The following CRYBG1 variants were observed in gnomAD, a reference collection of about 807,000 sequenced individuals.
CRYBG1 encodes beta/gamma crystallin domain-containing protein 1.
Under a neutral mutation model 189.2 loss-of-function variants are expected in CRYBG1, and 139 were observed. That is an observed-to-expected ratio of 0.73 (90% CI 0.64 to 0.85). The LOEUF (loss-of-function observed/expected upper bound fraction) is 0.85. Among genes scored for constraint, CRYBG1 ranks in the 40% least tolerant of loss-of-function variants. The pLI, the probability that CRYBG1 is intolerant of heterozygous loss-of-function variation, is 0.00. For synonymous variants in CRYBG1, 1,023 were observed against 1,017.1 expected (o/e 1.01, Z -0.11); for missense variants, 2,611 against 2,675.8 (o/e 0.98, Z 0.53).
chr6:106,382,183 C>T (rs531790224), intron 1 of CRYBG1, among the ~76,000 whole-genome samples: 95 of 152,236 alleles, frequency 6.2e-4, no homozygotes, highest in African/African-American at 2.2e-3. Context: ...TGACAGTACA[C>T]GTGTGGTCAG....
chr6:106,390,637 C>T (rs66630960), intron 1 of CRYBG1, among the ~76,000 whole-genome samples: 25,895 of 151,978 alleles, frequency 0.17, 2,367 homozygotes, highest in Admixed American at 0.24. Flanking sequence ...TTCCATTCAC[C>T]GTAGATTAAT....
chr6:106,557,287 T>G (rs1284437899), intron 17 of CRYBG1, among the ~76,000 whole-genome samples: 1 of 152,244 alleles, frequency 6.6e-6, no homozygotes, highest in African/African-American at 2.4e-5. Flanking sequence ...CTCTGTTTAC[T>G]GATGGACAAA....
At position 106,560,342 on chromosome 6, in the gene CRYBG1, C is replaced by T. The variant is rs145242860; in HGVS notation, c.5856-461C>T. ...CAGGTGTGCAGCAGTAGCATCTGAG[C>T]GGAAGGGAACTGAGTATCTTAGCAG... On this transcript the variant is annotated intron_variant, in intron 18 of 21. Transcript: ENST00000633556. 1.6e-3 allele frequency among the ~76,000 whole-genome samples: 246 copies of T among 152,256 alleles called. 2 individuals are homozygous for T. Among genetic ancestry groups the T allele is most frequent in the African/African-American group, 5.2e-3 (214 of 41,536 alleles).
At chr6:106,529,373 A>G (rs376488164) in intron 7 of CRYBG1, among the ~76,000 whole-genome samples, 1 of 152,214 alleles carries the variant, frequency 6.6e-6, no homozygotes, top group Non-Finnish European at 1.5e-5. Context: ...GATCGTGTGC[A>G]TGGTTTCTTG....
intron 3 of CRYBG1, among the ~76,000 whole-genome samples, chr6:106,514,609 CT>C (rs1348591188): frequency 6.6e-6 from 1 of 152,160 alleles, no homozygotes; most frequent in Non-Finnish European, 1.5e-5. Context: ...ATGCTAAAGC[CT>C]CCTAAATGTG....
intron 4 of CRYBG1, among the ~76,000 whole-genome samples, chr6:106,524,183 T>C (rs1488539303): frequency 1.3e-5 from 2 of 152,242 alleles, no homozygotes; most frequent in Non-Finnish European, 1.5e-5. Context: ...TATTATCTTA[T>C]GCATTTCTGG....
At chr6:106,514,455 G>A (rs771312820) in intron 3 of CRYBG1, among the ~76,000 whole-genome samples, 9 of 152,304 alleles carry the variant, frequency 5.9e-5, no homozygotes, top group East Asian at 1.9e-4. Context: ...GGAAGTATGC[G>A]TAATGAATAA....
At chr6:106,391,956 TG>T (rs1770513868) in intron 1 of CRYBG1, among the ~76,000 whole-genome samples, 4 of 128,886 alleles carry the variant, frequency 3.1e-5, no homozygotes, top group African/African-American at 1.9e-4. Flanking sequence ...TGTGTGTGTG[TG>T]TGTGTGTGTG....
chr6:106,400,541 G>A (rs6903128), intron 1 of CRYBG1, among the ~76,000 whole-genome samples: 7,527 of 152,266 alleles, frequency 0.049, 571 homozygotes, highest in African/African-American at 0.16. Flanking sequence ...TAAGTGTTAT[G>A]GAAAGATTTG....
At chr6:106,468,275 G>A (rs1460775106) in intron 2 of CRYBG1, among the ~76,000 whole-genome samples, 1 of 152,178 alleles carries the variant, frequency 6.6e-6, no homozygotes, top group East Asian at 1.9e-4. Context: ...CGTACAGGTT[G>A]AAAGAGGGGT....
chr6:106,551,198 A>G (rs1774396883), intron 13 of CRYBG1, among the ~76,000 whole-genome samples: 1 of 151,954 alleles, frequency 6.6e-6, no homozygotes, highest in South Asian at 2.1e-4. Flanking sequence ...TGCATGACCA[A>G]TGTTTAGCTC....
intron 1 of CRYBG1, among the ~76,000 whole-genome samples, chr6:106,444,161 T>C (rs551041138): frequency 6.6e-6 from 1 of 152,250 alleles, no homozygotes; most frequent in Admixed American, 6.5e-5. Flanking sequence ...TTGGGGAGTA[T>C]TGACACTGTC....
At position 106,555,836 on chromosome 6, in the gene CRYBG1, G is replaced by A. The variant is rs750419269; in HGVS notation, c.5654G>A (p.Cys1885Tyr). The change falls in exon 17 of 22, where the codon TGT becomes TAT. Residue 1885 changes from cysteine to tyrosine, a missense_variant. Transcript: ENST00000633556. ...QYVLEEGHYP[C>Y]LSAMGCPPGA... Reference sequence around the variant, plus strand: ...GTGTTGGAAGAAGGCCATTATCCTTGTCTGTCTGCAATGGGATGCCCGCCT... The same window carrying A: ...GTGTTGGAAGAAGGCCATTATCCTTATCTGTCTGCAATGGGATGCCCGCCT... The A allele has an allele frequency of 2.5e-6, 4 of 1,614,174 alleles. No homozygotes were observed. Among genetic ancestry groups the A allele is most frequent in the East Asian group, 4.5e-5 (2 of 44,886 alleles).
intron 8 of CRYBG1, among the ~76,000 whole-genome samples, chr6:106,533,115 G>T (rs1429148262): frequency 1.3e-5 from 2 of 152,178 alleles, no homozygotes; most frequent in Admixed American, 1.3e-4. Flanking sequence ...TTACAGAGGG[G>T]CAGGCATGTT....
At chr6:106,401,729 C>T (rs1770724782) in intron 1 of CRYBG1, among the ~76,000 whole-genome samples, 1 of 120,594 alleles carries the variant, frequency 8.3e-6, no homozygotes, top group African/African-American at 3.3e-5. Flanking sequence ...CTACAAAGGA[C>T]ATGAACTCAT....
intron 1 of CRYBG1, among the ~76,000 whole-genome samples, chr6:106,392,141 G>C (rs954707114): frequency 6.6e-6 from 1 of 152,096 alleles, no homozygotes. Context: ...GCGAATCTGT[G>C]TGGCTGTGGG....
intron 2 of CRYBG1, among the ~76,000 whole-genome samples, chr6:106,491,469 G>T (rs527657638): frequency 6.6e-6 from 1 of 152,138 alleles, no homozygotes; most frequent in African/African-American, 2.4e-5. Context: ...TACATGGTTT[G>T]TGGCCATTTC....
intron 1 of CRYBG1, among the ~76,000 whole-genome samples, chr6:106,417,001 T>TTC (rs1300661438): frequency 7.5e-6 from 1 of 132,510 alleles, no homozygotes; most frequent in Non-Finnish European, 1.6e-5. Context: ...GGGATTTACT[T>TTC]TTTTTTTTTT....
chr6:106,504,966 A>G (rs1191863850), intron 2 of CRYBG1, among the ~76,000 whole-genome samples: 1 of 152,080 alleles, frequency 6.6e-6, no homozygotes, highest in East Asian at 1.9e-4. Context: ...AAAAAGAATC[A>G]TGTCTCATAA....
Sources: gnomAD v4.1 joint callset for allele counts (sites outside exome capture counted in the v4.1 genomes callset) on GRCh38, gnomAD v4.1.1 for gene constraint, MANE v1.5 for transcripts, NCBI Gene and HGNC (gene_info 2026-07-23, HGNC 2026-07-21) for gene names.